DPH6: variants seen among roughly 807,000 people sequenced by gnomAD.
The protein encoded by DPH6 is diphthine--ammonia ligase.
DPH6 carries 33 observed loss-of-function variants against 38.2 expected under a neutral mutation model. That is an observed-to-expected ratio of 0.86 (90% CI 0.65 to 1.15). The LOEUF is 1.15. DPH6 is among the 50% of genes most tolerant of loss of function. The probability of loss-of-function intolerance (pLI) is 0.00; values close to 1 mark genes in which losing one functional copy is unlikely to be tolerated. For synonymous variants in DPH6, 108 were observed against 103.0 expected, an observed-to-expected ratio of 1.05 and a Z score of -0.30; for missense variants, 325 against 320.0, an observed-to-expected ratio of 1.02 and a Z score of -0.12.
the DPH6 span, among the ~76,000 whole-genome samples, chr15:35,148,630 A>G: frequency 8.5e-5 from 13 of 152,196 alleles, no homozygotes; most frequent in African/African-American, 2.7e-4. Flanking sequence ...ATAAATGTGT[A>G]TAATTCATAA....
rs150775031 is a variant in DPH6, at chr15:35,229,702, G to T, written n.201-9120C>A. 3.3e-3 allele frequency among the ~76,000 whole-genome samples: 499 copies of T among 152,224 alleles called. 2 individuals carry two copies. The highest frequency in any genetic ancestry group is 0.011 in the African/African-American group (475 of 41,542). ...CCATAGTTCTTTAGAAGGCTTTCCGGATATTTGAAAGGACTTGGGTGTTGT... is the reference window on the plus strand; with the variant it reads ...CCATAGTTCTTTAGAAGGCTTTCCGTATATTTGAAAGGACTTGGGTGTTGT... On this transcript the variant is annotated intron_variant and non_coding_transcript_variant, in intron 3 of 3. Coordinates refer to the DPH6 transcript ENST00000560386.
chr15:35,422,255 G>A (rs1378720195), intron 5 of DPH6, among the ~76,000 whole-genome samples: 2 of 151,690 alleles, frequency 1.3e-5, no homozygotes, highest in African/African-American at 2.4e-5. Flanking sequence ...TTAGATTTTG[G>A]TATATAGAAA....
intron 3 of DPH6, among the ~76,000 whole-genome samples, chr15:35,475,615 T>C (rs1189739724): frequency 6.6e-6 from 1 of 151,958 alleles, no homozygotes. Flanking sequence ...AGTAGACTTT[T>C]CTGATGTTGT....
intron 3 of DPH6, among the ~76,000 whole-genome samples, chr15:35,281,602 C>G (rs1033481994): frequency 1.3e-5 from 2 of 152,116 alleles, no homozygotes; most frequent in African/African-American, 4.8e-5. Flanking sequence ...ATCCATTATT[C>G]CATCCAAAAC....
chr15:35,420,458 T>C (rs925694759), intron 5 of DPH6, among the ~76,000 whole-genome samples: 7 of 152,170 alleles, frequency 4.6e-5, no homozygotes, highest in Admixed American at 2.0e-4. Flanking sequence ...CATAAATAAA[T>C]AAAATTGAGC....
intron 3 of DPH6, chr15:35,520,302 A>G: frequency 1.0e-6 from 1 of 977,950 alleles, no homozygotes; most frequent in Non-Finnish European, 1.2e-6. Context: ...TATTACACAT[A>G]AAAACTCAAA....
At chr15:35,392,506 G>C (rs2053073682) in intron 6 of DPH6, among the ~76,000 whole-genome samples, 2 of 151,768 alleles carry the variant, frequency 1.3e-5, no homozygotes, top group African/African-American at 4.8e-5. Context: ...TTTATAAACG[G>C]TATTCTTAAC....
chr15:35,531,290 G>A (rs2055083454), intron 3 of DPH6, among the ~76,000 whole-genome samples: 1 of 152,188 alleles, frequency 6.6e-6, no homozygotes, highest in South Asian at 2.1e-4. Flanking sequence ...GTAGTGTGCA[G>A]AAGGAAACTA....
chr15:35,418,939 A>G (rs2053469470), intron 5 of DPH6, among the ~76,000 whole-genome samples: 1 of 152,088 alleles, frequency 6.6e-6, no homozygotes. Context: ...CTGTAAAATC[A>G]GTAGGTGATA....
chr15:35,465,352 G>C (rs2054114324), intron 3 of DPH6, among the ~76,000 whole-genome samples: 1 of 152,132 alleles, frequency 6.6e-6, no homozygotes, highest in Admixed American at 6.5e-5. Flanking sequence ...TTATAGCTCT[G>C]AGTGGCAATA....
rs58580024 is a variant in DPH6, at chr15:35,262,705, C to CAAAAAAAAAA, written n.201-42133_201-42124dup. Reference sequence around the variant, plus strand: ...TGCGAAACAGAGCAAGACTCCGTCTCAAAAAAAAAAAAAAAAAAAAAAAAA... The same window carrying CAAAAAAAAAA: ...TGCGAAACAGAGCAAGACTCCGTCTCAAAAAAAAAAAAAAAAAAAAAAAAAAAAAAAAAAA... On this transcript the variant is annotated intron_variant and non_coding_transcript_variant, in intron 3 of 3. Coordinates refer to the DPH6 transcript ENST00000560386. 2.1e-4 allele frequency among the ~76,000 whole-genome samples: 17 copies of CAAAAAAAAAA among 82,626 alleles called. 1 individual carries two copies. Among genetic ancestry groups the CAAAAAAAAAA allele is most frequent in the African/African-American group, 9.5e-4 (15 of 15,718 alleles). The allele number at this position is 82,626 out of a possible 152,430, so 54.2% of individuals were successfully genotyped here. A position where few individuals can be genotyped will look rare whatever the true frequency, so the allele number is the denominator to read the frequency against.
chr15:35,365,512 A>G (rs574222896), intron 3 of DPH6, among the ~76,000 whole-genome samples: 1 of 152,232 alleles, frequency 6.6e-6, no homozygotes, highest in South Asian at 2.1e-4. Flanking sequence ...TAAAACAACA[A>G]CAACAGCAAC....
At chr15:35,407,129 G>A (rs1481346631) in intron 6 of DPH6, among the ~76,000 whole-genome samples, 1 of 151,954 alleles carries the variant, frequency 6.6e-6, no homozygotes, top group Non-Finnish European at 1.5e-5. Context: ...TGTGTCAGTG[G>A]TATTGAGAAA....
downstream of DPH6, among the ~76,000 whole-genome samples, chr15:35,215,162 G>A (rs560226136): frequency 2.0e-5 from 3 of 152,276 alleles, no homozygotes; most frequent in East Asian, 3.9e-4. Flanking sequence ...CCTACCAAGT[G>A]GGCAAATGCA....
At chr15:35,160,671 G>A in the DPH6 span, among the ~76,000 whole-genome samples, 1 of 151,978 alleles carries the variant, frequency 6.6e-6, no homozygotes, top group African/African-American at 2.4e-5. Flanking sequence ...TGTACTCAAT[G>A]TTTAGCTTCC....
chr15:35,510,144 T>C (rs2054748822), intron 3 of DPH6, among the ~76,000 whole-genome samples: 1 of 152,144 alleles, frequency 6.6e-6, no homozygotes, highest in South Asian at 2.1e-4. Context: ...GCTCAGTAGG[T>C]TGAGGCTGCA....
intron 6 of DPH6, among the ~76,000 whole-genome samples, chr15:35,391,637 G>A (rs565155449): frequency 6.6e-5 from 10 of 152,326 alleles, no homozygotes; most frequent in Admixed American, 1.3e-4. Flanking sequence ...AGGACCCTCC[G>A]AACCAGGTGT....
intron 6 of DPH6, among the ~76,000 whole-genome samples, chr15:35,389,016 T>C (rs536869873): frequency 1.1e-4 from 17 of 152,290 alleles, no homozygotes; most frequent in Non-Finnish European, 2.4e-4. Context: ...GCTTTGAATG[T>C]GTCCCAGAGA....
intron 5 of DPH6, among the ~76,000 whole-genome samples, chr15:35,442,852 G>C (rs1274768499): frequency 6.6e-6 from 1 of 152,166 alleles, no homozygotes; most frequent in Non-Finnish European, 1.5e-5. Context: ...AGTCCTCATG[G>C]TGCTTAAAGC....
Sources: allele counts gnomAD v4.1 joint callset (sites outside exome capture counted in the v4.1 genomes callset), GRCh38; gene constraint gnomAD v4.1.1; transcripts MANE v1.5; gene names NCBI Gene and HGNC (gene_info 2026-07-23, HGNC 2026-07-21).